The following SLC28A3 variants were observed in gnomAD, a reference collection of about 807,000 sequenced individuals.
SLC28A3 encodes concentrative Na(+)-nucleoside cotransporter 3.
A neutral mutation model predicts 84.2 loss-of-function variants in SLC28A3; 68 were observed. The observed-to-expected ratio is 0.81, with a 90% CI of 0.66 to 0.99. The LOEUF (loss-of-function observed/expected upper bound fraction) is 0.99, where lower values mean the gene tolerates loss of function less well. Ranked by LOEUF, SLC28A3 falls within the 50% of genes least tolerant of loss-of-function variation. The pLI, the probability that SLC28A3 is intolerant of heterozygous loss-of-function variation, is 0.00. For synonymous variants in SLC28A3, 267 were observed against 303.6 expected, an observed-to-expected ratio of 0.88 and a Z score of 1.25; for missense variants, 712 against 841.5, an observed-to-expected ratio of 0.85 and a Z score of 1.90.
At chr9:84,314,158 T>A (rs1178202978) in intron 1 of SLC28A3, among the ~76,000 whole-genome samples, 1 of 140,636 alleles carries the variant, frequency 7.1e-6, no homozygotes, top group Non-Finnish European at 1.5e-5. Flanking sequence ...TTGAAATGGG[T>A]TTTTTTTGGT....
intron 16 of SLC28A3, 61 bp from the exon 17 acceptor site, chr9:84,279,446 T>G: frequency 4.2e-6 from 5 of 1,181,324 alleles, no homozygotes; most frequent in Non-Finnish European, 5.4e-6. Flanking sequence ...TGTATTTATA[T>G]ATTTATTTAT....
the SLC28A3 span, among the ~76,000 whole-genome samples, chr9:84,363,705 T>A: frequency 6.6e-6 from 1 of 152,190 alleles, no homozygotes; most frequent in Non-Finnish European, 1.5e-5. Flanking sequence ...AATGGGAAGT[T>A]GGGATACCCA....
At chr9:84,304,744 C>T (rs566069919) in intron 4 of SLC28A3, among the ~76,000 whole-genome samples, 2 of 152,222 alleles carry the variant, frequency 1.3e-5, no homozygotes, top group East Asian at 1.9e-4. Context: ...CTGCTGGGCC[C>T]GGCACAGTGG....
At chr9:84,290,755 G>A (rs1825181632) in intron 10 of SLC28A3, among the ~76,000 whole-genome samples, 1 of 152,108 alleles carries the variant, frequency 6.6e-6, no homozygotes, top group Non-Finnish European at 1.5e-5. Flanking sequence ...AAGCCACTGT[G>A]GCTTCCTGTC....
At chr9:84,319,250 C>G (rs935003333) in intron 1 of SLC28A3, among the ~76,000 whole-genome samples, 12 of 152,324 alleles carry the variant, frequency 7.9e-5, no homozygotes, top group African/African-American at 2.4e-4. Flanking sequence ...CTTTATTTAT[C>G]TATGACATTA....
intron 1 of SLC28A3, among the ~76,000 whole-genome samples, chr9:84,325,176 A>G (rs1826510906): frequency 6.6e-6 from 1 of 152,082 alleles, no homozygotes; most frequent in African/African-American, 2.4e-5. Context: ...TTTATCTCCC[A>G]GCTCATGCCT....
intron 8 of SLC28A3, among the ~76,000 whole-genome samples, chr9:84,295,790 G>A (rs1356379450): frequency 6.6e-6 from 1 of 151,990 alleles, no homozygotes; most frequent in Admixed American, 6.6e-5. Flanking sequence ...ACTGTTCCCC[G>A]GCTAACTGGC....
intron 14 of SLC28A3, among the ~76,000 whole-genome samples, chr9:84,283,059 G>C (rs1233938158): frequency 6.6e-6 from 1 of 152,204 alleles, no homozygotes; most frequent in East Asian, 1.9e-4. Flanking sequence ...TCAAAACCAG[G>C]CATGCTTATT....
At chr9:84,355,453 G>A in the SLC28A3 span, among the ~76,000 whole-genome samples, 6 of 152,126 alleles carry the variant, frequency 3.9e-5, no homozygotes, top group African/African-American at 1.2e-4. Flanking sequence ...AAAAAAACAC[G>A]TCAGGCCAAT....
intron 8 of SLC28A3, among the ~76,000 whole-genome samples, chr9:84,296,122 A>G (rs775347394): frequency 6.6e-6 from 1 of 152,160 alleles, no homozygotes; most frequent in Non-Finnish European, 1.5e-5. Context: ...TTCCTTCTTT[A>G]TGACTTTATT....
At chr9:84,325,613 T>C (rs2118539594) in intron 1 of SLC28A3, among the ~76,000 whole-genome samples, 1 of 152,344 alleles carries the variant, frequency 6.6e-6, no homozygotes, top group Middle Eastern at 3.4e-3. Flanking sequence ...TGTCAATAAA[T>C]TTTTGTTGAA....
intron 12 of SLC28A3, among the ~76,000 whole-genome samples, chr9:84,287,632 CA>C (rs1402837405): frequency 6.6e-6 from 1 of 152,032 alleles, no homozygotes; most frequent in Admixed American, 6.5e-5. Context: ...GAGGCTGAGG[CA>C]GGAGGAGCCC....
intron 6 of SLC28A3, among the ~76,000 whole-genome samples, chr9:84,298,590 A>G (rs1392245900): frequency 6.6e-6 from 1 of 152,210 alleles, no homozygotes; most frequent in Non-Finnish European, 1.5e-5. Context: ...ATGTCCTGAT[A>G]AATTACTTGG....
intron 1 of SLC28A3, among the ~76,000 whole-genome samples, chr9:84,338,338 A>T (rs1361481444): frequency 2.0e-5 from 3 of 152,238 alleles, no homozygotes; most frequent in African/African-American, 4.8e-5. Context: ...TAAAGAAGAT[A>T]ATGTAGCAGG....
intron 16 of SLC28A3, 21 bp from the exon 17 acceptor site, chr9:84,279,406 CATTT>C: frequency 6.9e-7 from 1 of 1,443,852 alleles, no homozygotes; most frequent in Non-Finnish European, 9.1e-7. Flanking sequence ...AACAGAGTCC[CATTT>C]ATTTATTATT....
chr9:84,294,393 A>G (rs1825342134), intron 8 of SLC28A3, 118 bp from the exon 9 acceptor site: 2 of 877,850 alleles, frequency 2.3e-6, no homozygotes, highest in Non-Finnish European at 3.5e-6. Context: ...AATATGGGAA[A>G]CTCCTCTTGA....
the SLC28A3 span, among the ~76,000 whole-genome samples, chr9:84,353,554 A>T: frequency 1.2e-4 from 19 of 152,322 alleles, no homozygotes; most frequent in Non-Finnish European, 1.9e-4. Flanking sequence ...TACTAAAAAT[A>T]CAAAAATTAG....
intron 14 of SLC28A3, among the ~76,000 whole-genome samples, chr9:84,284,498 C>T (rs967732905): frequency 6.6e-6 from 1 of 152,278 alleles, no homozygotes; most frequent in Non-Finnish European, 1.5e-5. Flanking sequence ...CTTAGGCAGG[C>T]TGCTTTTCCT....
chr9:84,287,885 T>C (rs1215149438), intron 12 of SLC28A3, among the ~76,000 whole-genome samples, 163 bp downstream of exon 12: 3 of 152,060 alleles, frequency 2.0e-5, no homozygotes, highest in Non-Finnish European at 2.9e-5. Flanking sequence ...AAAAAGGAAA[T>C]AAAATAAGAC....
Sources: gnomAD v4.1 joint callset for allele counts (sites outside exome capture counted in the v4.1 genomes callset) on GRCh38, gnomAD v4.1.1 for gene constraint, MANE v1.5 for transcripts, NCBI Gene and HGNC (gene_info 2026-07-23, HGNC 2026-07-21) for gene names.